UBOX5: variants seen among roughly 807,000 people sequenced by gnomAD.
UBOX5 encodes the protein RING finger protein 37.
UBOX5 carries 28 observed loss-of-function variants against 39.0 expected under a neutral mutation model. The ratio of observed to expected loss-of-function variants is 0.72; its 90% CI spans 0.53 to 0.98. UBOX5 has a LOEUF of 0.98. Among genes scored for constraint, UBOX5 ranks in the 50% least tolerant of loss-of-function variants. UBOX5 has a pLI of 0.00. For synonymous variants in UBOX5, 283 were observed against 275.5 expected, an observed-to-expected ratio of 1.03 and a Z score of -0.27; for missense variants, 585 against 674.4, an observed-to-expected ratio of 0.87 and a Z score of 1.47.
At chr20:3,154,543 C>G (rs1281464416) in intron 1 of UBOX5, among the ~76,000 whole-genome samples, 1 of 152,016 alleles carries the variant, frequency 6.6e-6, no homozygotes, top group Non-Finnish European at 1.5e-5. Context: ...ATTAGCCAAG[C>G]CTGGTGGCAC....
chr20:3,110,132 G>A lies in UBOX5; in HGVS notation c.1600C>T (p.Gln534Ter). Residue 534 changes from glutamine to a stop codon, truncating the protein, a stop_gained, in exon 5 of 5, where the codon CAA (glutamine) becomes TAA (stop). Coordinates refer to ENST00000217173, the MANE Select transcript of UBOX5 (RefSeq NM_014948.4). LOFTEE classifies it high-confidence loss of function. ...CAGAAGTGGACCCGCAGCACGTCTT[G>A]GCTAGCAACCGGCCGCTGGCAGGCT... is the stretch of plus-strand genomic sequence containing the variant. ...CTACQRPVAS[Q>*]DVLRVHF 2.5e-6 allele frequency: 4 copies of A among 1,612,632 alleles called. No individual in the cohort carries two copies. Among genetic ancestry groups the A allele is most frequent in the Non-Finnish European group, 3.4e-6 (4 of 1,180,018 alleles).
chr20:3,121,632 G>A lies in UBOX5; in HGVS notation c.1007C>T (p.Ser336Phe), dbSNP rs2066336802. ...ARIDHFLLQH[S>F]IPGCHLLGRA... ...CCCAAGCAGGTGGCAGCCAGGGATG[G>A]AGTGCTGGAGCAGGAAATGGTCAAT... The change falls in exon 3 of 5, where the codon TCC (serine) becomes TTC (phenylalanine). Residue 336 changes from serine to phenylalanine, a missense_variant. By Grantham distance (155) the Ser-to-Phe change is radical. Transcript: ENST00000217173. 5 of 1,611,412 alleles carry A rather than the reference G, an allele frequency of 3.1e-6. No homozygotes were observed. The highest frequency in any genetic ancestry group is 1.3e-5 in the African/African-American group (1 of 74,846).
intron 1 of UBOX5, among the ~76,000 whole-genome samples, chr20:3,158,505 G>T (rs910622166): frequency 6.6e-6 from 1 of 151,770 alleles, no homozygotes; most frequent in East Asian, 1.9e-4. Context: ...ACGGACTCTC[G>T]CTCTCTCGCC....
intron 1 of UBOX5, among the ~76,000 whole-genome samples, chr20:3,125,776 G>T: frequency 6.8e-6 from 1 of 146,516 alleles, no homozygotes. Flanking sequence ...CGTCTGGGAG[G>T]TGAGGAGCGC....
chr20:3,140,787 T>A (rs1224831139), intron 1 of UBOX5, among the ~76,000 whole-genome samples: 1 of 152,024 alleles, frequency 6.6e-6, no homozygotes, highest in East Asian at 1.9e-4. Flanking sequence ...TGCATGATGC[T>A]TAAGGTTTGG....
At chr20:3,148,892 C>T in intron 1 of UBOX5, 1 of 1,614,180 alleles carries the variant, frequency 6.2e-7, no homozygotes, top group Non-Finnish European at 8.5e-7. Flanking sequence ...GAAGGTGCTA[C>T]ATATGTTCTT....
intron 1 of UBOX5, among the ~76,000 whole-genome samples, chr20:3,134,601 T>C (rs2066455001): frequency 7.0e-6 from 1 of 142,918 alleles, no homozygotes. Flanking sequence ...GGCTCATGCC[T>C]GTAATTCCAG....
intron 1 of UBOX5, chr20:3,148,646 G>C (rs766933485): frequency 4.3e-6 from 7 of 1,614,160 alleles, no homozygotes; most frequent in Non-Finnish European, 1.7e-6. Flanking sequence ...TTCACCTTCT[G>C]AAACAGACAG....
chr20:3,128,284 A>G (rs772854886), intron 1 of UBOX5, among the ~76,000 whole-genome samples: 1 of 152,212 alleles, frequency 6.6e-6, no homozygotes, highest in Non-Finnish European at 1.5e-5. Flanking sequence ...TTTGTTTTAA[A>G]TGTAAAATTA....
At chr20:3,124,939 G>A (rs375108298) in intron 1 of UBOX5, among the ~76,000 whole-genome samples, 4 of 148,918 alleles carry the variant, frequency 2.7e-5, no homozygotes, top group African/African-American at 5.0e-5. Context: ...TCTGGGAAGC[G>A]AGGAGCGCTG....
chr20:3,117,287 G>GCACACACA (rs11468015), intron 3 of UBOX5, among the ~76,000 whole-genome samples: 16 of 147,516 alleles, frequency 1.1e-4, no homozygotes, highest in African/African-American at 3.8e-4. Context: ...ACCAAAGATG[G>GCACACACA]CACACACACA....
At chr20:3,111,308 C>A (rs1019588445) in intron 4 of UBOX5, among the ~76,000 whole-genome samples, 1 of 152,004 alleles carries the variant, frequency 6.6e-6, no homozygotes, top group African/African-American at 2.4e-5. Flanking sequence ...GTTTCTTAAC[C>A]CCCCTTCTCT....
At chr20:3,130,372 T>C (rs1260833064) in intron 1 of UBOX5, among the ~76,000 whole-genome samples, 2 of 150,892 alleles carry the variant, frequency 1.3e-5, no homozygotes, top group Non-Finnish European at 3.0e-5. Context: ...TCTCACTATG[T>C]TGCCCAGGCT....
At chr20:3,134,339 GA>G (rs950849725) in intron 1 of UBOX5, among the ~76,000 whole-genome samples, 2 of 151,798 alleles carry the variant, frequency 1.3e-5, no homozygotes, top group Middle Eastern at 3.4e-3. Flanking sequence ...TTTTTACTAT[GA>G]AAAAAATGCT....
chr20:3,123,392 A>G lies in UBOX5; in HGVS notation c.-27T>C. On this transcript the variant is annotated 5_prime_UTR_variant, in exon 2 of 5. Coordinates refer to ENST00000217173, the MANE Select transcript of UBOX5 (RefSeq NM_014948.4). ...TTTGTGGCTGAGAGGATATCTTCCA[A>G]GCATCAGAAGCAGCCTTAAATAAGA... 6.2e-7 allele frequency: 1 copy of G among 1,606,066 alleles called. No individual in the cohort carries two copies. Among genetic ancestry groups the G allele is most frequent in the Non-Finnish European group, 8.5e-7 (1 of 1,173,408 alleles).
chr20:3,138,359 G>C (rs1014852831), intron 1 of UBOX5, among the ~76,000 whole-genome samples: 2 of 152,068 alleles, frequency 1.3e-5, no homozygotes, highest in African/African-American at 4.8e-5. Flanking sequence ...TACATAAATA[G>C]TTGGAGAGGT....
chr20:3,158,564 C>A (rs1282893716), intron 1 of UBOX5, among the ~76,000 whole-genome samples: 1 of 152,198 alleles, frequency 6.6e-6, no homozygotes, highest in Non-Finnish European at 1.5e-5. Context: ...CACTCCGCCT[C>A]CCGGGGTTCA....
chr20:3,119,391 T>G (rs1418686511), intron 3 of UBOX5, among the ~76,000 whole-genome samples: 1 of 152,200 alleles, frequency 6.6e-6, no homozygotes, highest in Non-Finnish European at 1.5e-5. Flanking sequence ...GCCACCAGTT[T>G]GATGGCAGAC....
At chr20:3,136,878 A>G (rs2066476785) in intron 1 of UBOX5, among the ~76,000 whole-genome samples, 1 of 145,008 alleles carries the variant, frequency 6.9e-6, no homozygotes, top group African/African-American at 2.6e-5. Flanking sequence ...GATTATCTCA[A>G]TCTCCTTACC....
Sources: allele counts gnomAD v4.1 joint callset (sites outside exome capture counted in the v4.1 genomes callset), GRCh38; gene constraint gnomAD v4.1.1; transcripts MANE v1.5; gene names NCBI Gene and HGNC (gene_info 2026-07-23, HGNC 2026-07-21).